Variants in DLGAP1 observed in about 807,000 individuals in gnomAD.
The protein encoded by DLGAP1 is DLG associated protein 1.
A neutral mutation model predicts 90.8 loss-of-function variants in DLGAP1; 11 were observed. That is an observed-to-expected ratio of 0.12 (90% confidence interval 0.08 to 0.20). The LOEUF (loss-of-function observed/expected upper bound fraction) is 0.20. DLGAP1 is among the 10% of genes least tolerant of loss of function. The pLI is 1.00. For missense variants in DLGAP1, 1,050 were observed against 1,333.8 expected (o/e 0.79, Z 3.31); for synonymous variants, 558 against 540.7 (o/e 1.03, Z -0.44).
intron 1 of DLGAP1, among the ~76,000 whole-genome samples, chr18:4,444,132 G>A (rs2083603608): frequency 1.3e-5 from 2 of 152,296 alleles, no homozygotes; most frequent in African/African-American, 2.4e-5. Context: ...TCCACCTGCC[G>A]GTGTGCAGCT....
chr18:4,300,855 C>T (rs571654184), intron 1 of DLGAP1, among the ~76,000 whole-genome samples: 4 of 152,318 alleles, frequency 2.6e-5, no homozygotes, highest in Admixed American at 2.6e-4. Flanking sequence ...GCTTTCTCCC[C>T]TATTTCCAAT....
intron 4 of DLGAP1, among the ~76,000 whole-genome samples, chr18:3,861,005 T>C (rs1345664280): frequency 6.6e-6 from 1 of 152,240 alleles, no homozygotes; most frequent in Non-Finnish European, 1.5e-5. Flanking sequence ...TTTATGCTTC[T>C]CCCTTTGCCC....
chr18:4,320,324 C>T (rs2080648230), intron 1 of DLGAP1, among the ~76,000 whole-genome samples: 1 of 152,136 alleles, frequency 6.6e-6, no homozygotes, highest in Non-Finnish European at 1.5e-5. Flanking sequence ...TTTCTAGATG[C>T]ACTCAAGCTG....
intron 3 of DLGAP1, chr18:3,978,012 G>T: frequency 2.6e-6 from 1 of 380,428 alleles, no homozygotes; most frequent in South Asian, 2.1e-5. Flanking sequence ...GTAGATGCAG[G>T]GATGATGTTC....
At chr18:3,607,968 G>A (rs1171129808) in intron 7 of DLGAP1, 2 of 152,172 alleles carry the variant, frequency 1.3e-5, no homozygotes, top group African/African-American at 2.4e-5. Flanking sequence ...TCTTCCTCTG[G>A]ACTTTGTCAT....
chr18:4,175,156 C>A (rs1472379954), intron 1 of DLGAP1, among the ~76,000 whole-genome samples: 4 of 152,174 alleles, frequency 2.6e-5, no homozygotes, highest in Non-Finnish European at 5.9e-5. Flanking sequence ...TTTTGATTTG[C>A]ATTTCTCTAA....
At chr18:4,073,273 C>T (rs1277722330) in intron 2 of DLGAP1, among the ~76,000 whole-genome samples, 2 of 152,140 alleles carry the variant, frequency 1.3e-5, no homozygotes, top group African/African-American at 4.8e-5. Flanking sequence ...AAGAGCAGGG[C>T]TTCGTAAATC....
chr18:3,611,782 T>C (rs2057644912), intron 7 of DLGAP1, among the ~76,000 whole-genome samples: 1 of 152,180 alleles, frequency 6.6e-6, no homozygotes, highest in Admixed American at 6.6e-5. Flanking sequence ...ACAAAAAAGC[T>C]TACAAGTATG....
At chr18:3,995,445 A>G (rs1051348775) in intron 3 of DLGAP1, 6 of 152,228 alleles carry the variant, frequency 3.9e-5, no homozygotes, top group Non-Finnish European at 8.8e-5. Flanking sequence ...TTCGGGACAG[A>G]AAATTCCGTA....
intron 2 of DLGAP1, among the ~76,000 whole-genome samples, chr18:4,139,035 T>C (rs935574338): frequency 3.3e-5 from 5 of 152,048 alleles, no homozygotes; most frequent in African/African-American, 1.2e-4. Flanking sequence ...CTTTTATTCT[T>C]AGTCTAGCTA....
At chr18:3,748,080 C>T (rs1446296915) in intron 5 of DLGAP1, among the ~76,000 whole-genome samples, 6 of 152,200 alleles carry the variant, frequency 3.9e-5, no homozygotes, top group South Asian at 2.1e-4. Flanking sequence ...GTTGGTCTAA[C>T]GAAATGGCAC....
intron 1 of DLGAP1, among the ~76,000 whole-genome samples, chr18:4,393,004 G>A (rs769489291): frequency 6.6e-6 from 1 of 152,096 alleles, no homozygotes; most frequent in Non-Finnish European, 1.5e-5. Context: ...ATAAGGAATT[G>A]ATATACATTC....
Position 3,498,456 on chromosome 18 carries a change from C to T in DLGAP1, c.*729G>A, listed in dbSNP as rs1031778329. ...TAATTTCCCTGAAAGATCGAATTTACAATCTTCTGCTGATTGAGACATTTG... is the reference window on the plus strand; with the variant it reads ...TAATTTCCCTGAAAGATCGAATTTATAATCTTCTGCTGATTGAGACATTTG... On this transcript the variant is annotated 3_prime_UTR_variant, in exon 13 of 13. Coordinates refer to ENST00000315677, the MANE Select transcript of DLGAP1 (RefSeq NM_004746.4). 4 of 152,160 alleles carry T rather than the reference C, an allele frequency of 2.6e-5. No homozygotes were observed. The highest frequency in any genetic ancestry group is 5.9e-5 in the Non-Finnish European group (4 of 68,036). 9.4% of individuals were successfully genotyped at this position (152,160 alleles called of 1,614,324 possible).
chr18:3,871,092 G>T (rs144885642), intron 4 of DLGAP1, among the ~76,000 whole-genome samples: 1 of 152,326 alleles, frequency 6.6e-6, no homozygotes, highest in Admixed American at 6.5e-5. Flanking sequence ...ATGGATAATA[G>T]AATATGTACA....
intron 10 of DLGAP1, among the ~76,000 whole-genome samples, chr18:3,516,025 G>T (rs562569721): frequency 1.9e-4 from 29 of 151,924 alleles, no homozygotes; most frequent in African/African-American, 6.3e-4. Flanking sequence ...GCTTCACTTC[G>T]CATTCTAGTT....
chr18:4,267,472 A>G (rs886679571), intron 1 of DLGAP1, among the ~76,000 whole-genome samples: 4 of 152,158 alleles, frequency 2.6e-5, no homozygotes, highest in African/African-American at 9.7e-5. Context: ...GTTTCTCCCC[A>G]CCTCCATTTG....
At chr18:4,000,798 C>T (rs1430093402) in intron 3 of DLGAP1, among the ~76,000 whole-genome samples, 1 of 152,128 alleles carries the variant, frequency 6.6e-6, no homozygotes, top group African/African-American at 2.4e-5. Context: ...TTTTCCTTCT[C>T]TTATAAGGGA....
chr18:3,851,605 C>T (rs879654208), intron 4 of DLGAP1, among the ~76,000 whole-genome samples: 22 of 151,932 alleles, frequency 1.4e-4, no homozygotes, highest in Admixed American at 1.0e-3. Context: ...AGAAATATGG[C>T]CTATGACATG....
chr18:3,600,440 T>C (rs2056830465), intron 7 of DLGAP1, among the ~76,000 whole-genome samples: 2 of 151,906 alleles, frequency 1.3e-5, no homozygotes, highest in South Asian at 4.2e-4. Flanking sequence ...TTCACCATGT[T>C]GGCCAGGCTG....
Sources: allele counts gnomAD v4.1 joint callset (sites outside exome capture counted in the v4.1 genomes callset), GRCh38; gene constraint gnomAD v4.1.1; transcripts MANE v1.5; gene names NCBI Gene and HGNC (gene_info 2026-07-23, HGNC 2026-07-21).